UBE2D3: variants seen among roughly 807,000 people sequenced by gnomAD.
The protein encoded by UBE2D3 is ubiquitin-conjugating enzyme E2 D3.
Under a neutral mutation model 22.8 loss-of-function variants are expected in UBE2D3, and 2 were observed. That is an observed-to-expected ratio of 0.09 (90% CI 0.04 to 0.28). UBE2D3 has a LOEUF of 0.28. UBE2D3 is among the 10% of genes least tolerant of loss of function. The pLI is 1.00. For synonymous variants in UBE2D3, 56 were observed against 60.4 expected, an observed-to-expected ratio of 0.93 and a Z score of 0.34; for missense variants, 27 against 182.5, an observed-to-expected ratio of 0.15 and a Z score of 4.91.
intron 4 of UBE2D3, among the ~76,000 whole-genome samples, chr4:102,808,715 A>T (rs17033308): frequency 0.012 from 1,815 of 152,298 alleles, 22 homozygotes; most frequent in African/African-American, 0.036. Context: ...TATAAGATCG[A>T]CAGGGATGTT....
At chr4:102,823,958 T>C (rs1730037496) in intron 2 of UBE2D3, among the ~76,000 whole-genome samples, 1 of 152,162 alleles carries the variant, frequency 6.6e-6, no homozygotes, top group Non-Finnish European at 1.5e-5. Flanking sequence ...AAGCATACCA[T>C]ACTGACATCA....
At chr4:102,818,372 A>C (rs1729076647) in intron 2 of UBE2D3, among the ~76,000 whole-genome samples, 1 of 152,236 alleles carries the variant, frequency 6.6e-6, no homozygotes, top group Non-Finnish European at 1.5e-5. Flanking sequence ...ACACTTGGCT[A>C]GTGTGAGAAT....
chr4:102,826,412 AC>A, intron 2 of UBE2D3, 72 bp downstream of exon 2: 2 of 1,577,816 alleles, frequency 1.3e-6, no homozygotes, highest in Non-Finnish European at 1.7e-6. Flanking sequence ...CTTCCTTCCC[AC>A]CCCCACGCTT....
At chr4:102,819,329 CAA>C (rs762178343) in intron 2 of UBE2D3, among the ~76,000 whole-genome samples, 12 of 85,362 alleles carry the variant, frequency 1.4e-4, no homozygotes, top group Admixed American at 2.7e-4. Flanking sequence ...GACTCCGCCT[CAA>C]AAAAAAAAAA....
At chr4:102,804,574 G>C (rs572701607) in intron 4 of UBE2D3, among the ~76,000 whole-genome samples, 6 of 152,234 alleles carry the variant, frequency 3.9e-5, no homozygotes, top group Admixed American at 2.0e-4. Context: ...ATTTTGAATA[G>C]ATGCTTCAAA....
In UBE2D3 at chr4:102,794,943, G is replaced by A. The variant is rs1032148659; in HGVS notation, c.*2472C>T. ...TCAAAACTGATTCTAATACTCAGTTGGGTCCTATACATGGCACTAGTAATG... is the reference window on the plus strand; with the variant it reads ...TCAAAACTGATTCTAATACTCAGTTAGGTCCTATACATGGCACTAGTAATG... On this transcript the variant is annotated 3_prime_UTR_variant, in exon 8 of 8. Coordinates refer to ENST00000453744, the MANE Select transcript of UBE2D3 (RefSeq NM_181891.3). The A allele has an allele frequency of 1.3e-5, 2 of 152,048 alleles. No homozygotes were observed. The highest frequency in any genetic ancestry group is 1.3e-4 in the Admixed American group (2 of 15,256). 9.4% of individuals were successfully genotyped at this position (152,048 alleles called of 1,614,324 possible).
At chr4:102,817,786 G>C (rs930084904) in intron 2 of UBE2D3, among the ~76,000 whole-genome samples, 2 of 152,138 alleles carry the variant, frequency 1.3e-5, no homozygotes, top group African/African-American at 4.8e-5. Flanking sequence ...TACATGGCCT[G>C]AGAAAATGAT....
chr4:102,859,364 C>G (rs1295015221), intron 1 of UBE2D3, among the ~76,000 whole-genome samples: 2 of 151,916 alleles, frequency 1.3e-5, no homozygotes, highest in Non-Finnish European at 2.9e-5. Context: ...AAAATTTGAT[C>G]ATAATGTGTC....
At position 102,806,357 on chromosome 4, in the gene UBE2D3, T is replaced by C. The variant is rs190325691; in HGVS notation, c.120+3315A>G. On this transcript the variant is annotated intron_variant, in intron 4 of 7. Transcript: ENST00000453744. The stretch of plus-strand genomic sequence containing the variant: ...CTTCTTTTATACCTCTTTAAGCACA[T>C]AGTTACCATTATCCACCCATATATC... Among the ~76,000 whole-genome samples, 14 of 152,302 alleles carry C rather than the reference T, an allele frequency of 9.2e-5. No homozygotes were observed. The East Asian group carries it at 2.1e-3, about 23-fold the overall frequency.
chr4:102,853,061 A>G (rs1732441289), intron 1 of UBE2D3, among the ~76,000 whole-genome samples: 1 of 149,822 alleles, frequency 6.7e-6, no homozygotes, highest in Non-Finnish European at 1.5e-5. Flanking sequence ...CTGTGGGGGC[A>G]CTCTCATCTG....
At chr4:102,802,707 T>G in intron 4 of UBE2D3, 69 bp from the exon 5 acceptor site, 2 of 1,265,384 alleles carry the variant, frequency 1.6e-6, no homozygotes, top group Non-Finnish European at 2.2e-6. Context: ...AACATTTGTT[T>G]CCAAGCATTT....
chr4:102,828,584 C>T (rs1730919613), upstream of UBE2D3, among the ~76,000 whole-genome samples: 1 of 152,186 alleles, frequency 6.6e-6, no homozygotes. Context: ...TCAGTCGCTG[C>T]CGTCCGCCAA....
intron 1 of UBE2D3, among the ~76,000 whole-genome samples, chr4:102,847,689 G>A (rs1732109176): frequency 6.6e-6 from 1 of 151,756 alleles, no homozygotes; most frequent in African/African-American, 2.4e-5. Flanking sequence ...TATCACCCAG[G>A]CTGGAGTGCA....
chr4:102,834,266 TGTTAA>T (rs1435133345), intron 1 of UBE2D3, among the ~76,000 whole-genome samples: 1 of 152,202 alleles, frequency 6.6e-6, no homozygotes, highest in African/African-American at 2.4e-5. Flanking sequence ...ATACACACTC[TGTTAA>T]GTTTTCATAA....
intron 1 of UBE2D3, chr4:102,826,989 G>C (rs937929024): frequency 3.0e-6 from 3 of 997,606 alleles, no homozygotes; most frequent in Non-Finnish European, 3.6e-6. Context: ...AGGCAAGGGG[G>C]GAGGGGGAAG....
chr4:102,825,546 A>C, intron 2 of UBE2D3: 1 of 1,185,686 alleles, frequency 8.4e-7, no homozygotes, highest in Non-Finnish European at 1.1e-6. Context: ...AAAATGCGGG[A>C]TAGAAGTTAG....
chr4:102,838,856 C>A (rs1034193973), intron 1 of UBE2D3, among the ~76,000 whole-genome samples: 2 of 146,312 alleles, frequency 1.4e-5, no homozygotes, highest in Non-Finnish European at 3.0e-5. Context: ...GCAAATAGCT[C>A]TATCTAACCA....
At chr4:102,834,262 ACT>A (rs1304999111) in intron 1 of UBE2D3, among the ~76,000 whole-genome samples, 2 of 151,898 alleles carry the variant, frequency 1.3e-5, no homozygotes, top group Non-Finnish European at 2.9e-5. Context: ...ACAGATACAC[ACT>A]CTGTTAAGTT....
intron 7 of UBE2D3, chr4:102,798,969 C>T (rs1169600393): frequency 1.2e-6 from 2 of 1,611,372 alleles, no homozygotes; most frequent in Admixed American, 1.7e-5. Context: ...TCTTGCTAAC[C>T]TATTGTACCT....
Sources: gnomAD v4.1 joint callset for allele counts (sites outside exome capture counted in the v4.1 genomes callset) on GRCh38, gnomAD v4.1.1 for gene constraint, MANE v1.5 for transcripts, NCBI Gene and HGNC (gene_info 2026-07-23, HGNC 2026-07-21) for gene names.